The following PRR11 variants were observed in gnomAD, a reference collection of about 807,000 sequenced individuals.
The protein encoded by PRR11 is proline-rich protein 11.
A neutral mutation model predicts 45.6 loss-of-function variants in PRR11; 30 were observed. The observed-to-expected ratio is 0.66, with a 90% CI of 0.49 to 0.89. PRR11 has a LOEUF of 0.89. Among genes scored for constraint, PRR11 ranks in the 40% least tolerant of loss-of-function variants. The pLI, the probability that PRR11 is intolerant of heterozygous loss-of-function variation, is 0.00. For missense variants in PRR11, 373 were observed against 424.8 expected (o/e 0.88, Z 1.07); for synonymous variants, 128 against 153.5 (o/e 0.83, Z 1.23).
chr17:59,179,879 G>C, intron 2 of PRR11: 1 of 1,340,040 alleles, frequency 7.5e-7, no homozygotes, highest in African/African-American at 1.4e-5. Context: ...TACCCCAGGG[G>C]CTGAGTAAAG....
chr17:59,193,361 A>C, intron 4 of PRR11, 131 bp from the exon 5 acceptor site: 2 of 1,143,566 alleles, frequency 1.7e-6, no homozygotes, highest in Non-Finnish European at 2.5e-6. Flanking sequence ...ATTATAAATG[A>C]GAAAATATCA....
intron 2 of PRR11, among the ~76,000 whole-genome samples, chr17:59,175,318 G>T: frequency 6.6e-6 from 1 of 152,178 alleles, no homozygotes; most frequent in East Asian, 1.9e-4. Context: ...CACTCCTTCA[G>T]GATGAAGACA....
In PRR11 at chr17:59,194,846, A is replaced by G. The variant is rs1456990022; in HGVS notation, c.735A>G (p.Glu245=). The G allele has an allele frequency of 6.2e-7, 1 of 1,612,116 alleles. No individual in the cohort carries two copies. Among genetic ancestry groups the G allele is most frequent in the Admixed American group, 1.7e-5 (1 of 59,964 alleles). ...TAAAGAAGACACAGAGTTTAGATGA[A>G]AAGAGGAAGGTAAGATGTCATTGAC... ...VKLKKTQSLD[E]KRKLIPSPKA... Residue 245 remains glutamate (E), a synonymous_variant, in exon 6 of 10, where the codon GAA becomes GAG. Transcript: ENST00000262293.
intron 2 of PRR11, chr17:59,179,860 G>A (rs1219097006): frequency 7.4e-7 from 1 of 1,343,092 alleles, no homozygotes; most frequent in Non-Finnish European, 1.0e-6. Context: ...CACACAGGGG[G>A]CTGGGATCTA....
chr17:59,198,859 T>C (rs972959956), intron 9 of PRR11, among the ~76,000 whole-genome samples: 5 of 151,948 alleles, frequency 3.3e-5, no homozygotes, highest in African/African-American at 4.8e-5. Context: ...AAAAGAACTA[T>C]AGGTAGGATT....
intron 2 of PRR11, among the ~76,000 whole-genome samples, chr17:59,173,546 ACACT>A (rs1191934485): frequency 1.3e-5 from 2 of 152,148 alleles, no homozygotes; most frequent in Non-Finnish European, 2.9e-5. Flanking sequence ...AAGAGCTGTA[ACACT>A]CACCGCGAAG....
intron 2 of PRR11, 94 bp downstream of exon 2, chr17:59,169,974 C>A: frequency 7.0e-7 from 1 of 1,422,098 alleles, no homozygotes. Context: ...GAAGGCAGGC[C>A]GGGTGCAGTC....
chr17:59,190,158 C>T (rs967543593), intron 4 of PRR11, among the ~76,000 whole-genome samples: 1 of 151,972 alleles, frequency 6.6e-6, no homozygotes, highest in African/African-American at 2.4e-5. Context: ...TCTCAATGTA[C>T]CAGGGAGGAG....
rs2046699300 is a variant in PRR11, at chr17:59,169,956, T to C, written c.128+76T>C. ...AAGATAGAGTTTCAGATTTAGCAAA[T>C]AAAAATAGAAGGCAGGCCGGGTGCA... On this transcript the variant is annotated intron_variant, in intron 2 of 9. Transcript: ENST00000262293. 14 of 1,486,318 alleles carry C rather than the reference T, an allele frequency of 9.4e-6. No individual in the cohort carries two copies. The South Asian group carries it at 1.5e-4, about 16-fold the overall frequency. The allele number at this position is 1,486,318 out of a possible 1,614,324, so 92.1% of individuals were successfully genotyped here.
At chr17:59,166,998 C>G (rs1429591877) in intron 1 of PRR11, among the ~76,000 whole-genome samples, 1 of 151,932 alleles carries the variant, frequency 6.6e-6, no homozygotes, top group East Asian at 1.9e-4. Flanking sequence ...CCCGTCCCCA[C>G]TAAAAATACA....
chr17:59,201,004 A>G (rs1226730674), intron 9 of PRR11, among the ~76,000 whole-genome samples: 2 of 151,794 alleles, frequency 1.3e-5, no homozygotes, highest in African/African-American at 4.8e-5. Flanking sequence ...GGTTACACAA[A>G]TTAGTTCTTT....
chr17:59,201,537 A>G, intron 9 of PRR11, 26 bp from the exon 10 acceptor site: 1 of 1,596,678 alleles, frequency 6.3e-7, no homozygotes, highest in Non-Finnish European at 8.5e-7. Context: ...AATTGATATT[A>G]TAATTGGGAC....
intron 9 of PRR11, among the ~76,000 whole-genome samples, chr17:59,200,028 G>A (rs550887459): frequency 4.6e-5 from 7 of 152,138 alleles, no homozygotes; most frequent in Non-Finnish European, 1.0e-4. Flanking sequence ...TTCATAGCAG[G>A]TACAGTGAGT....
chr17:59,198,954 C>A (rs1227923183), intron 9 of PRR11, among the ~76,000 whole-genome samples: 1 of 152,180 alleles, frequency 6.6e-6, no homozygotes, highest in Non-Finnish European at 1.5e-5. Flanking sequence ...TTCCTATATG[C>A]CCAGCAGTGT....
chr17:59,186,844 C>G (rs960627633), intron 4 of PRR11, among the ~76,000 whole-genome samples: 1 of 152,082 alleles, frequency 6.6e-6, no homozygotes, highest in African/African-American at 2.4e-5. Flanking sequence ...AAAAGACCAA[C>G]AACTTAGCAG....
rs572316587 is a variant in PRR11 at position 59,180,590 on chromosome 17, C to G, written c.129-4464C>G. Among the ~76,000 whole-genome samples the G allele has an allele frequency of 1.2e-3, 180 of 147,872 alleles. 7 individuals carry two copies. The highest frequency in any genetic ancestry group is 4.3e-3 in the African/African-American group (168 of 39,450). ...GTGCTATCTCGGCTCAAAGCAACCT[C>G]TGCCTCCCGGGTTCTAGAGATTCTC... On this transcript the variant is annotated intron_variant, in intron 2 of 9. Coordinates refer to ENST00000262293, the MANE Select transcript of PRR11 (RefSeq NM_018304.4).
In PRR11 at chr17:59,197,695, G is replaced by C; in HGVS notation, c.920G>C (p.Ser307Thr). 1 of 1,613,820 alleles carries C rather than the reference G, an allele frequency of 6.2e-7. No homozygotes were observed. Among genetic ancestry groups the C allele is most frequent in the Non-Finnish European group, 8.5e-7 (1 of 1,179,788 alleles). ...TGTTATTTTCAATACCTTTGCAGGA[G>C]CCCAGGTGGAACCCCTCTTACCAAT... ...KLLRKVDVER[S>T]PGGTPLTNKE... is the part of the protein sequence containing the mutation. Residue 307 changes from serine to threonine, a missense_variant and splice_region_variant, in exon 9 of 10, where the codon AGC becomes ACC. By Grantham distance (58) the Ser-to-Thr change is moderately conservative. Transcript: ENST00000262293.
At chr17:59,171,657 CA>C (rs2147838595) in intron 2 of PRR11, among the ~76,000 whole-genome samples, 2 of 151,886 alleles carry the variant, frequency 1.3e-5, no homozygotes, top group South Asian at 4.2e-4. Flanking sequence ...CCATCTTTTT[CA>C]AAATAAACCA....
chr17:59,192,376 A>G (rs2046843759), intron 4 of PRR11, among the ~76,000 whole-genome samples: 1 of 152,186 alleles, frequency 6.6e-6, no homozygotes, highest in South Asian at 2.1e-4. Context: ...ATTGTTTTCA[A>G]CCACCAAGTT....
Sources: allele counts gnomAD v4.1 joint callset (sites outside exome capture counted in the v4.1 genomes callset), GRCh38; gene constraint gnomAD v4.1.1; transcripts MANE v1.5; gene names NCBI Gene and HGNC (gene_info 2026-07-23, HGNC 2026-07-21).